Variants in ANKRD36C observed in about 807,000 individuals in gnomAD.
The protein encoded by ANKRD36C is ankyrin repeat domain-containing protein 36C.
ANKRD36C carries 61 observed loss-of-function variants against 276.4 expected under a neutral mutation model. That is an observed-to-expected ratio of 0.22 (90% CI 0.18 to 0.27). The LOEUF is 0.27. ANKRD36C is among the 10% of genes least tolerant of loss of function. The pLI is 1.00. For missense variants in ANKRD36C, 1,447 were observed against 2,032.3 expected (o/e 0.71, Z 5.54); for synonymous variants, 483 against 680.1 (o/e 0.71, Z 4.51).
At chr2:95,887,127 G>A (rs1283789682) in intron 50 of ANKRD36C, among the ~76,000 whole-genome samples, 1 of 151,430 alleles carries the variant, frequency 6.6e-6, no homozygotes, top group African/African-American at 2.4e-5. Context: ...ATTCTCTAAA[G>A]AATATTCATT....
At chr2:95,854,176 CG>C (rs1675357214) in intron 63 of ANKRD36C, among the ~76,000 whole-genome samples, 1 of 151,330 alleles carries the variant, frequency 6.6e-6, no homozygotes, top group Non-Finnish European at 1.5e-5. Context: ...GTGAGACTGA[CG>C]GTAGTAAATT....
chr2:95,955,868 G>A (rs1678314777), intron 13 of ANKRD36C, among the ~76,000 whole-genome samples: 1 of 152,140 alleles, frequency 6.6e-6, no homozygotes, highest in African/African-American at 2.4e-5. Flanking sequence ...TTAACATTCT[G>A]AAATTCTAAG....
rs1184363653 is a variant in ANKRD36C, at chr2:95,851,549, A to G, written c.5313+145T>C. On this transcript the variant is annotated intron_variant, in intron 66 of 66. Transcript: ENST00000456556. ...TAGACTCAGGTACCATCCGCAAGAT[A>G]TTTCATTAGGTATATGCAAATATTC... 5.9e-5 allele frequency: 43 copies of G among 731,496 alleles called. 1 individual carries two copies. The highest frequency in any genetic ancestry group is 7.6e-4 in the Middle Eastern group (2 of 2,624). The allele number at this position is 731,496 out of a possible 1,614,324, so 45.3% of individuals were successfully genotyped here.
In ANKRD36C at chr2:95,878,880, C is replaced by T. The variant is rs563789754; in HGVS notation, c.3469+1547G>A. On this transcript the variant is annotated intron_variant, in intron 58 of 66. Transcript: ENST00000456556. ...TTGGTGGCATTATGAATTAGTACAGCCACTATGGAGAACAGTATAGAGTCC... is the reference window on the plus strand; with the variant it reads ...TTGGTGGCATTATGAATTAGTACAGTCACTATGGAGAACAGTATAGAGTCC... Among the ~76,000 whole-genome samples the T allele has an allele frequency of 9.2e-3, 1,392 of 151,224 alleles. 8 individuals are homozygous for T. Among genetic ancestry groups the T allele is most frequent in the Non-Finnish European group, 0.011 (734 of 67,476 alleles).
intron 38 of ANKRD36C, among the ~76,000 whole-genome samples, chr2:95,915,545 T>A (rs915271243): frequency 2.0e-5 from 3 of 151,536 alleles, no homozygotes; most frequent in African/African-American, 7.3e-5. Flanking sequence ...CGGAAAATAA[T>A]TGCTACATCA....
In ANKRD36C at chr2:95,888,004, G is replaced by A; in HGVS notation, c.2989-7C>T. ...CTTTCTTGTCACTTGTAGCCTGAATGGAATTTGAAACAAAATAATGAATAC... is the reference window on the plus strand; with the variant it reads ...CTTTCTTGTCACTTGTAGCCTGAATAGAATTTGAAACAAAATAATGAATAC... On this transcript the variant is annotated splice_region_variant and splice_polypyrimidine_tract_variant and intron_variant, in intron 49 of 66. Transcript: ENST00000456556. 6.3e-7 allele frequency: 1 copy of A among 1,598,872 alleles called. No homozygotes were observed. The highest frequency in any genetic ancestry group is 8.5e-7 in the Non-Finnish European group (1 of 1,172,950).
chr2:95,974,650 G>A (rs1678767623), intron 6 of ANKRD36C, among the ~76,000 whole-genome samples: 1 of 151,974 alleles, frequency 6.6e-6, no homozygotes, highest in South Asian at 2.1e-4. Flanking sequence ...CTGGTCTGTA[G>A]GCTACTTCTT....
intron 36 of ANKRD36C, 123 bp downstream of exon 38, chr2:95,917,732 T>C: frequency 7.8e-7 from 1 of 1,282,856 alleles, no homozygotes; most frequent in Non-Finnish European, 1.1e-6. Context: ...CTCTCAGGAC[T>C]GCTGGATCAG....
At chr2:95,964,994 C>A (rs1462822731) in intron 6 of ANKRD36C, among the ~76,000 whole-genome samples, 1 of 151,746 alleles carries the variant, frequency 6.6e-6, no homozygotes, top group African/African-American at 2.4e-5. Context: ...AATGCACCAA[C>A]ATCTTCAGAA....
intron 36 of ANKRD36C, 26 bp from the exon 39 acceptor site, chr2:95,916,197 C>G: frequency 1.2e-6 from 2 of 1,602,776 alleles, no homozygotes; most frequent in Non-Finnish European, 1.7e-6. Context: ...GACACGTAAT[C>G]ACTCACTCGT....
chr2:95,917,771 C>T (rs1470119060), intron 36 of ANKRD36C, 84 bp downstream of exon 38: 13 of 1,497,974 alleles, frequency 8.7e-6, no homozygotes, highest in South Asian at 3.8e-5. Flanking sequence ...GCACCCCCAA[C>T]CGCCCTCCGC....
At chr2:95,963,980 T>A (rs1405238290) in intron 6 of ANKRD36C, among the ~76,000 whole-genome samples, 19 of 12,622 alleles carry the variant, frequency 1.5e-3, no homozygotes, top group Admixed American at 2.8e-3. Flanking sequence ...TAAATATATA[T>A]ATATATATAT....
chr2:95,920,228 G>A lies in ANKRD36C; in HGVS notation c.2245+1379C>T, dbSNP rs1339494311. On this transcript the variant is annotated intron_variant, in intron 34 of 66. Coordinates refer to ENST00000456556, the Ensembl canonical transcript of ANKRD36C. ...GATGAGGACAAACTGATCTAAAATC[G>A]GAGGAGCAACTCATACACGTGAGAA... Among the ~76,000 whole-genome samples, 5 of 132,614 alleles carry A rather than the reference G, an allele frequency of 3.8e-5. 1 individual carries two copies. Among genetic ancestry groups the A allele is most frequent in the Admixed American group, 1.6e-4 (2 of 12,720 alleles). 87.0% of individuals were successfully genotyped at this position (132,614 alleles called of 152,430 possible).
chr2:95,963,944 A>AAT (rs1192310791), intron 6 of ANKRD36C, among the ~76,000 whole-genome samples: 6 of 82,716 alleles, frequency 7.3e-5, no homozygotes, highest in East Asian at 9.0e-4. Flanking sequence ...TACATATATA[A>AAT]ATATATATAT....
chr2:95,912,270 T>G (rs142909546), exon 42 of ANKRD36C: 7 of 1,556,234 alleles, frequency 4.5e-6, no homozygotes, highest in Non-Finnish European at 6.1e-6. Flanking sequence ...TCCATCCTTT[T>G]TTTCTCTGGT....
chr2:95,973,141 C>A (rs565310622), intron 6 of ANKRD36C, among the ~76,000 whole-genome samples: 4 of 151,328 alleles, frequency 2.6e-5, no homozygotes, highest in Non-Finnish European at 4.4e-5. Context: ...AGGCTGGGGG[C>A]GGTGGCTCAC....
chr2:95,897,334 T>A (rs1676582565), intron 44 of ANKRD36C: 3 of 1,551,030 alleles, frequency 1.9e-6, no homozygotes, highest in East Asian at 2.4e-5. Flanking sequence ...CTTTCTCATC[T>A]CTTGTAGCCT....
intron 59 of ANKRD36C, among the ~76,000 whole-genome samples, chr2:95,874,805 T>C (rs1252047223): frequency 6.6e-6 from 1 of 152,122 alleles, no homozygotes; most frequent in Admixed American, 6.5e-5. Context: ...ATATCCAGAA[T>C]CTACAATGAA....
intron 6 of ANKRD36C, among the ~76,000 whole-genome samples, chr2:95,963,276 A>C (rs1678501984): frequency 2.0e-5 from 3 of 152,118 alleles, no homozygotes; most frequent in Non-Finnish European, 4.4e-5. Context: ...ATACTTCTAC[A>C]AAATAAAACT....
Sources: allele counts gnomAD v4.1 joint callset (sites outside exome capture counted in the v4.1 genomes callset), GRCh38; gene constraint gnomAD v4.1.1; transcripts MANE v1.5; gene names NCBI Gene and HGNC (gene_info 2026-07-23, HGNC 2026-07-21).